The following LDB2 variants were observed in gnomAD, a reference collection of about 807,000 sequenced individuals.
LDB2 encodes LIM domain-binding protein 2.
A neutral mutation model predicts 44.3 loss-of-function variants in LDB2; 12 were observed. The observed-to-expected ratio is 0.27, with a 90% CI of 0.17 to 0.44. The LOEUF is 0.44. Among genes scored for constraint, LDB2 ranks in the 20% least tolerant of loss-of-function variants. The probability of loss-of-function intolerance (pLI) is 1.00; values close to 1 mark genes in which losing one functional copy is unlikely to be tolerated. For missense variants in LDB2, 344 were observed against 473.5 expected (o/e 0.73, Z 2.54); for synonymous variants, 164 against 174.8 (o/e 0.94, Z 0.49).
chr4:16,558,157 G>A (rs185353744), intron 5 of LDB2, among the ~76,000 whole-genome samples: 87 of 151,790 alleles, frequency 5.7e-4, no homozygotes, highest in South Asian at 5.2e-3. Context: ...AAAGCAGAGC[G>A]TCCCTCCAAA....
chr4:16,590,961 C>T (rs1458141329), intron 3 of LDB2, among the ~76,000 whole-genome samples: 1 of 152,124 alleles, frequency 6.6e-6, no homozygotes, highest in Non-Finnish European at 1.5e-5. Context: ...CACACAATTC[C>T]CCCTGGGGTG....
intron 1 of LDB2, among the ~76,000 whole-genome samples, chr4:16,886,090 G>T (rs1721621013): frequency 6.6e-6 from 1 of 151,678 alleles, no homozygotes; most frequent in Non-Finnish European, 1.5e-5. Flanking sequence ...GCAGTGTCAT[G>T]TGCCTGTAGT....
At chr4:16,713,727 G>A (rs1024975185) in intron 2 of LDB2, among the ~76,000 whole-genome samples, 1 of 152,216 alleles carries the variant, frequency 6.6e-6, no homozygotes, top group African/African-American at 2.4e-5. Flanking sequence ...AGTGGGACAA[G>A]AGGAGGGATG....
intron 1 of LDB2, among the ~76,000 whole-genome samples, chr4:16,818,746 A>T (rs207679): frequency 0.87 from 132,874 of 152,194 alleles, 59,439 homozygotes; most frequent in South Asian, 0.97. Flanking sequence ...CCAAGAAGGA[A>T]GTTGTATATA....
Position 16,512,325 on chromosome 4 carries a change from C to T in LDB2, c.616-221G>A, listed in dbSNP as rs532972604. 34 of 451,436 alleles carry T rather than the reference C, an allele frequency of 7.5e-5. 1 individual carries two copies. Among genetic ancestry groups the T allele is most frequent in the South Asian group, 3.3e-4 (11 of 33,694 alleles). The allele number at this position is 451,436 out of a possible 1,614,324, so 28.0% of individuals were successfully genotyped here. On this transcript the variant is annotated intron_variant, in intron 5 of 7. Coordinates refer to ENST00000304523, the MANE Select transcript of LDB2 (RefSeq NM_001290.5). ...ATATTACAGCTGAATGTGATTCACA[C>T]GGATACACACACAGACACACACAAA...
chr4:16,829,580 T>C (rs1448050181), intron 1 of LDB2, among the ~76,000 whole-genome samples: 1 of 152,188 alleles, frequency 6.6e-6, no homozygotes, highest in Non-Finnish European at 1.5e-5. Flanking sequence ...GTGTGTTATA[T>C]AAAAGTAATT....
intron 5 of LDB2, among the ~76,000 whole-genome samples, chr4:16,579,951 C>T (rs1259363129): frequency 6.6e-6 from 1 of 152,178 alleles, no homozygotes; most frequent in Non-Finnish European, 1.5e-5. Flanking sequence ...GTGCACAGAA[C>T]TCCCAGAGCA....
intron 1 of LDB2, among the ~76,000 whole-genome samples, chr4:16,816,970 T>C (rs1781055826): frequency 6.6e-6 from 1 of 152,144 alleles, no homozygotes; most frequent in African/African-American, 2.4e-5. Context: ...CTTATATCTG[T>C]TCTTGCACCC....
At chr4:16,726,154 T>G (rs1759410407) in intron 2 of LDB2, among the ~76,000 whole-genome samples, 1 of 152,066 alleles carries the variant, frequency 6.6e-6, no homozygotes, top group African/African-American at 2.4e-5. Flanking sequence ...AAGTACCTAT[T>G]AAATCTATTT....
At chr4:16,538,673 CTTAG>C (rs879413218) in intron 5 of LDB2, among the ~76,000 whole-genome samples, 3 of 152,174 alleles carry the variant, frequency 2.0e-5, no homozygotes, top group South Asian at 2.1e-4. Context: ...CCCCCAAAGT[CTTAG>C]TTAGTTAGCT....
chr4:16,543,786 T>C (rs1734728428), intron 5 of LDB2, among the ~76,000 whole-genome samples: 1 of 152,072 alleles, frequency 6.6e-6, no homozygotes, highest in Non-Finnish European at 1.5e-5. Flanking sequence ...ACTAAAGAGC[T>C]TCTGCACAGC....
intron 2 of LDB2, among the ~76,000 whole-genome samples, chr4:16,726,063 T>C (rs1579098983): frequency 6.6e-6 from 1 of 151,460 alleles, no homozygotes; most frequent in Non-Finnish European, 1.5e-5. Flanking sequence ...ATACATTTCA[T>C]ATAAAATTTT....
intron 1 of LDB2, among the ~76,000 whole-genome samples, chr4:16,879,111 C>G (rs1220954926): frequency 6.6e-6 from 1 of 152,150 alleles, no homozygotes; most frequent in Non-Finnish European, 1.5e-5. Flanking sequence ...TGCTAAACAC[C>G]TGGCTCTGCT....
Position 16,531,495 on chromosome 4 carries a change from C to T in LDB2, c.616-19391G>A, listed in dbSNP as rs190894887. Among the ~76,000 whole-genome samples, 27 of 152,366 alleles carry T rather than the reference C, an allele frequency of 1.8e-4. No individual in the cohort carries two copies. In the East Asian group the frequency reaches 3.3e-3, roughly 18 times the overall value. On this transcript the variant is annotated intron_variant, in intron 5 of 7. Coordinates refer to ENST00000304523, the MANE Select transcript of LDB2 (RefSeq NM_001290.5). ...CTGCATCAAATCCCAACACCTGATA[C>T]GCCTGATAGGCAAACCATTCACTTT... is the stretch of plus-strand genomic sequence containing the variant.
intron 1 of LDB2, among the ~76,000 whole-genome samples, chr4:16,809,081 C>T (rs1779300475): frequency 6.6e-6 from 1 of 152,268 alleles, no homozygotes; most frequent in African/African-American, 2.4e-5. Flanking sequence ...TCTACTTCCT[C>T]AGGCTGAAAG....
chr4:16,752,811 G>A (rs527325364), intron 2 of LDB2, among the ~76,000 whole-genome samples: 2 of 152,172 alleles, frequency 1.3e-5, no homozygotes, highest in South Asian at 2.1e-4. Flanking sequence ...GGCAGTTATG[G>A]AGGAGCAAAG....
chr4:16,709,342 A>C (rs2152655749), intron 2 of LDB2, among the ~76,000 whole-genome samples: 1 of 152,302 alleles, frequency 6.6e-6, no homozygotes, highest in African/African-American at 2.4e-5. Context: ...CTCAAGACCC[A>C]ATGGGAAACT....
At chr4:16,618,947 C>T (rs1048823272) in intron 2 of LDB2, among the ~76,000 whole-genome samples, 16 of 152,120 alleles carry the variant, frequency 1.1e-4, no homozygotes, top group Non-Finnish European at 1.5e-4. Flanking sequence ...TAGCACCTCC[C>T]CCATCAGTCT....
intron 2 of LDB2, among the ~76,000 whole-genome samples, chr4:16,693,347 CTTTTTTTTT>C (rs71181181): frequency 0.031 from 3,476 of 112,150 alleles, 61 homozygotes; most frequent in Non-Finnish European, 0.043. Context: ...AGCAATAGTT[CTTTTTTTTT>C]TTTTTTTTTT....
Sources: gnomAD v4.1 joint callset for allele counts (sites outside exome capture counted in the v4.1 genomes callset) on GRCh38, gnomAD v4.1.1 for gene constraint, MANE v1.5 for transcripts, NCBI Gene and HGNC (gene_info 2026-07-23, HGNC 2026-07-21) for gene names.